The following RANBP2 variants were observed in gnomAD, a reference collection of about 807,000 sequenced individuals.
RANBP2 encodes E3 SUMO-protein ligase RanBP2.
A neutral mutation model predicts 303.6 loss-of-function variants in RANBP2; 57 were observed. That is an observed-to-expected ratio of 0.19 (90% confidence interval 0.15 to 0.23). RANBP2 has a LOEUF of 0.23. RANBP2 is among the 10% of genes least tolerant of loss of function. The probability of loss-of-function intolerance (pLI) is 1.00; values close to 1 mark genes in which losing one functional copy is unlikely to be tolerated. For synonymous variants in RANBP2, 1,167 were observed against 1,301.5 expected (o/e 0.90, Z 2.23); for missense variants, 3,138 against 3,780.8 (o/e 0.83, Z 4.46).
the RANBP2 span, among the ~76,000 whole-genome samples, chr2:109,119,233 C>A: frequency 6.6e-6 from 1 of 152,158 alleles, no homozygotes; most frequent in Non-Finnish European, 1.5e-5. Flanking sequence ...AACTACAGAG[C>A]AGAATGGACA....
chr2:109,015,753 G>C, the RANBP2 span, among the ~76,000 whole-genome samples: 2 of 151,912 alleles, frequency 1.3e-5, no homozygotes, highest in African/African-American at 4.8e-5. Flanking sequence ...GCAAGACTCT[G>C]TCTCAAAAAA....
chr2:109,580,349 CAA>C, the RANBP2 span, among the ~76,000 whole-genome samples: 34,941 of 135,794 alleles, frequency 0.26, 4,344 homozygotes, highest in South Asian at 0.29. Context: ...CCATAAAATG[CAA>C]AAAAAAAAAA....
chr2:108,779,461 G>A (rs559199642), intron 25 of RANBP2, among the ~76,000 whole-genome samples: 2 of 152,168 alleles, frequency 1.3e-5, no homozygotes, highest in East Asian at 1.9e-4. Flanking sequence ...CACCACACCC[G>A]GCCCTCTCTC....
the RANBP2 span, among the ~76,000 whole-genome samples, chr2:109,118,813 T>G: frequency 6.6e-6 from 1 of 152,132 alleles, no homozygotes; most frequent in African/African-American, 2.4e-5. Context: ...GATGGACACA[T>G]GCCTGGTATG....
At chr2:109,736,564 G>A in the RANBP2 span, among the ~76,000 whole-genome samples, 1 of 152,188 alleles carries the variant, frequency 6.6e-6, no homozygotes, top group Non-Finnish European at 1.5e-5. Flanking sequence ...GGAGAGTGAC[G>A]GACTACGCAG....
the RANBP2 span, among the ~76,000 whole-genome samples, chr2:109,262,906 C>T: frequency 1.3e-5 from 2 of 152,094 alleles, no homozygotes. Flanking sequence ...GATCTTGGCT[C>T]ACTGCAACCT....
At chr2:108,988,653 G>A in the RANBP2 span, among the ~76,000 whole-genome samples, 1 of 152,256 alleles carries the variant, frequency 6.6e-6, no homozygotes, top group East Asian at 1.9e-4. Context: ...CACGCTCCCT[G>A]GAGGAACCCG....
At chr2:109,603,558 G>A in the RANBP2 span, among the ~76,000 whole-genome samples, 1 of 152,076 alleles carries the variant, frequency 6.6e-6, no homozygotes, top group Non-Finnish European at 1.5e-5. Flanking sequence ...TATTTTTAAA[G>A]CCTTACATTT....
the RANBP2 span, among the ~76,000 whole-genome samples, chr2:109,041,994 A>G: frequency 5.3e-5 from 8 of 152,310 alleles, no homozygotes; most frequent in East Asian, 1.5e-3. Flanking sequence ...TAAATTACTT[A>G]TGATACGTTT....
the RANBP2 span, chr2:108,929,186 G>T: frequency 6.2e-7 from 1 of 1,613,748 alleles, no homozygotes; most frequent in Non-Finnish European, 8.5e-7. Context: ...TGCCAGGAGG[G>T]CCTGTGCTTA....
the RANBP2 span, among the ~76,000 whole-genome samples, chr2:109,589,171 C>A: frequency 1.6e-4 from 25 of 151,802 alleles, no homozygotes; most frequent in Non-Finnish European, 3.2e-4. Flanking sequence ...GAGATGGAGT[C>A]TCACTCTGTC....
At chr2:109,088,138 C>T in the RANBP2 span, among the ~76,000 whole-genome samples, 1 of 152,038 alleles carries the variant, frequency 6.6e-6, no homozygotes, top group Admixed American at 6.5e-5. Context: ...GTGGCTCACA[C>T]CTGTAATCCC....
chr2:108,817,089 T>C, the RANBP2 span, among the ~76,000 whole-genome samples: 5 of 152,130 alleles, frequency 3.3e-5, no homozygotes, highest in East Asian at 1.9e-4. Context: ...GTTCAAACCA[T>C]AGCACATGGC....
chr2:108,911,640 C>T, the RANBP2 span, among the ~76,000 whole-genome samples: 1 of 152,188 alleles, frequency 6.6e-6, no homozygotes, highest in South Asian at 2.1e-4. Context: ...GGGGATTTTG[C>T]TCAGTTCCCA....
At chr2:109,542,466 G>A in the RANBP2 span, among the ~76,000 whole-genome samples, 1 of 152,142 alleles carries the variant, frequency 6.6e-6, no homozygotes, top group Non-Finnish European at 1.5e-5. Context: ...ACACTTCAAA[G>A]TACGTTCTTC....
chr2:108,775,836 T>C lies in RANBP2; in HGVS notation c.8397T>C (p.Ile2799=), dbSNP rs759571058. The part of the protein sequence containing the change: ...SFCKSEEPDS[I]TKSISSPSVS... Reference sequence around the variant, plus strand: ...GTAAATCTGAAGAACCTGATTCTATTACCAAATCCATTAGTTCACCATCTG... The same window carrying C: ...GTAAATCTGAAGAACCTGATTCTATCACCAAATCCATTAGTTCACCATCTG... The change falls in exon 24 of 29, where the codon ATT becomes ATC. Residue 2799 remains isoleucine, a synonymous_variant. Coordinates refer to ENST00000283195, the MANE Select transcript of RANBP2 (RefSeq NM_006267.5). 3.1e-6 allele frequency: 5 copies of C among 1,613,806 alleles called. No homozygotes were observed. The highest frequency in any genetic ancestry group is 3.4e-6 in the Non-Finnish European group (4 of 1,179,902).
chr2:109,012,862 A>C, the RANBP2 span, among the ~76,000 whole-genome samples: 25 of 152,270 alleles, frequency 1.6e-4, no homozygotes, highest in East Asian at 3.9e-4. Flanking sequence ...TGCAGTGAGC[A>C]GAGACCAGGC....
At chr2:108,744,362 CCACTGCAG>C (rs1441615408) in intron 7 of RANBP2, among the ~76,000 whole-genome samples, 6 of 152,082 alleles carry the variant, frequency 3.9e-5, no homozygotes, top group African/African-American at 1.2e-4. Flanking sequence ...TGAAATCGTG[CCACTGCAG>C]CACTGCAGCC....
chr2:109,498,919 C>A, the RANBP2 span, among the ~76,000 whole-genome samples: 1 of 152,298 alleles, frequency 6.6e-6, no homozygotes, highest in Non-Finnish European at 1.5e-5. Flanking sequence ...GAGGTGGGTG[C>A]ACCTGGGGTC....
Sources: allele counts gnomAD v4.1 joint callset (sites outside exome capture counted in the v4.1 genomes callset), GRCh38; gene constraint gnomAD v4.1.1; transcripts MANE v1.5; gene names NCBI Gene and HGNC (gene_info 2026-07-23, HGNC 2026-07-21).